Variants in EXOC3L4 observed in about 807,000 individuals in gnomAD.
EXOC3L4 encodes the protein exocyst complex component 3 like 4.
A neutral mutation model predicts 69.7 loss-of-function variants in EXOC3L4; 62 were observed. The ratio of observed to expected loss-of-function variants is 0.89; its 90% CI spans 0.72 to 1.10. The LOEUF (loss-of-function observed/expected upper bound fraction) is 1.10. Among genes scored for constraint, EXOC3L4 ranks in the 50% least tolerant of loss-of-function variants. The probability of loss-of-function intolerance (pLI) is 0.00; values close to 1 mark genes in which losing one functional copy is unlikely to be tolerated. For missense variants in EXOC3L4, 1,087 were observed against 1,034.8 expected, an observed-to-expected ratio of 1.05 and a Z score of -0.69; for synonymous variants, 502 against 464.2, an observed-to-expected ratio of 1.08 and a Z score of -1.05.
Position 103,100,392 on chromosome 14 carries a change from C to T in EXOC3L4, c.173C>T (p.Ser58Phe), listed in dbSNP as rs1230743041. The T allele has an allele frequency of 1.2e-6, 2 of 1,609,956 alleles. No homozygotes were observed. The highest frequency in any genetic ancestry group is 1.7e-4 in the Middle Eastern group (1 of 6,056). The change falls in exon 2 of 12, where the codon TCC becomes TTC. Residue 58 changes from serine to phenylalanine, a missense_variant. Coordinates refer to ENST00000688303, the MANE Select transcript of EXOC3L4 (RefSeq NM_001077594.2). The stretch of plus-strand genomic sequence containing the variant: ...CTGGGCTCCCTGAGGCAGGCCTTCT[C>T]CCGGGCCAGCCAGCGGGCTTTGACC... ...LGLGSLRQAF[S>F]RASQRALTQV...
At chr14:103,096,048 A>G (rs1374009770) in intron 1 of EXOC3L4, among the ~76,000 whole-genome samples, 3 of 152,178 alleles carry the variant, frequency 2.0e-5, no homozygotes, top group African/African-American at 7.2e-5. Flanking sequence ...TTGCAAGGAA[A>G]GCTTTCAAAG....
Position 103,103,975 on chromosome 14 carries a change from C to T in EXOC3L4, c.1084C>T (p.Pro362Ser), listed in dbSNP as rs375129091. 7.5e-5 allele frequency: 117 copies of T among 1,556,362 alleles called. No homozygotes were observed. In the African/African-American group the frequency reaches 1.4e-3, roughly 19 times the overall value. ...CCTGGGCGCCCCGGGGCTGGCGCTG[C>T]CCGCCGAGCCGCTGCCTCCGCTCCT... The part of the protein sequence containing the change: ...DFLGAPGLAL[P>S]AEPLPPLLAP... Residue 362 changes from proline (P) to serine (S), a missense_variant, in exon 4 of 12, where the codon CCC (proline) becomes TCC (serine). Pro to Ser is a moderately conservative substitution (Grantham distance 74, BLOSUM62 -1). Coordinates refer to ENST00000688303, the MANE Select transcript of EXOC3L4 (RefSeq NM_001077594.2).
Position 103,097,389 on chromosome 14 carries a change from G to A in EXOC3L4, c.-17+2549G>A, listed in dbSNP as rs190908494. Among the ~76,000 whole-genome samples, 86 of 152,248 alleles carry A rather than the reference G, an allele frequency of 5.6e-4. No individual in the cohort carries two copies. The highest frequency in any genetic ancestry group is 1.5e-3 in the South Asian group (7 of 4,824). On this transcript the variant is annotated intron_variant, in intron 1 of 11. Transcript: ENST00000688303. This position sits in a 1 kb window ranked among gnomAD's most constrained non-coding sequence, Gnocchi z 4.9. Reference sequence around the variant, plus strand: ...CTCCGGGCACTGGGGACAGAGAGACGCAGAGAGAAAAGAGAGCCAGAGAGA... The same window carrying A: ...CTCCGGGCACTGGGGACAGAGAGACACAGAGAGAAAAGAGAGCCAGAGAGA...
At chr14:103,104,947 C>T in intron 6 of EXOC3L4, 45 bp from the exon 7 acceptor site, 1 of 1,586,502 alleles carries the variant, frequency 6.3e-7, no homozygotes, top group Non-Finnish European at 8.6e-7. Flanking sequence ...AGGGTCATCG[C>T]GCAGCTAGGG....
rs758506010 is a variant in EXOC3L4 at position 103,100,607 on chromosome 14, G to T, written c.388G>T (p.Glu130Ter). ...GGCAGCGTCTGAGGAACTGAAACCC[G>T]AGGCAGGTAAGGGCCTCAGAAACAA... Reference protein sequence around the residue: ...TGAASEELKPEAEGKSVADLI... With the variant: ...TGAASEELKP Residue 130 changes from glutamate (E) to a stop codon, truncating the protein, a stop_gained, in exon 2 of 12, where the codon GAG (glutamate) becomes TAG (stop). Coordinates refer to ENST00000688303, the MANE Select transcript of EXOC3L4 (RefSeq NM_001077594.2). LOFTEE classifies it high-confidence loss of function. 1 of 1,601,924 alleles carries T rather than the reference G, an allele frequency of 6.2e-7. No individual in the cohort carries two copies. Among genetic ancestry groups the T allele is most frequent in the South Asian group, 1.1e-5 (1 of 90,376 alleles).
chr14:103,103,354 CAAA>C (rs3070496), intron 3 of EXOC3L4, among the ~76,000 whole-genome samples: 114 of 94,876 alleles, frequency 1.2e-3, no homozygotes, highest in African/African-American at 3.9e-3. Context: ...GACTCTGTCT[CAAA>C]AAAAAAAAAA....
At position 103,102,672 on chromosome 14, in the gene EXOC3L4, C is replaced by T; in HGVS notation, c.949C>T (p.His317Tyr). Residue 317 changes from histidine to tyrosine, a missense_variant, in exon 3 of 12, where the codon CAC (histidine) becomes TAC (tyrosine). By Grantham distance (83) the His-to-Tyr change is moderately conservative. Coordinates refer to ENST00000688303, the MANE Select transcript of EXOC3L4 (RefSeq NM_001077594.2). ...PAWEVYLRAF[H>Y]SAVAQRLQEL... ...GTGGGAGGTCTATCTGCGTGCCTTC[C>T]ACAGCGCCGTGGCCCAGCGCCTCCA... 5 of 1,494,008 alleles carry T rather than the reference C, an allele frequency of 3.3e-6. No homozygotes were observed. The highest frequency in any genetic ancestry group is 3.5e-6 in the Non-Finnish European group (4 of 1,127,168). The allele number at this position is 1,494,008 out of a possible 1,614,324, so 92.5% of individuals were successfully genotyped here. A position where few individuals can be genotyped will look rare whatever the true frequency, so the allele number is the denominator to read the frequency against.
At position 103,100,012 on chromosome 14, in the gene EXOC3L4, C is replaced by T. The variant is rs1053181900; in HGVS notation, c.-16-192C>T. 24 of 585,110 alleles carry T rather than the reference C, an allele frequency of 4.1e-5. 2 individuals are homozygous for T. The highest frequency in any genetic ancestry group is 2.8e-4 in the South Asian group (10 of 36,158). 36.2% of individuals were successfully genotyped at this position (585,110 alleles called of 1,614,324 possible). A position where few individuals can be genotyped will look rare whatever the true frequency, so the allele number is the denominator to read the frequency against. On this transcript the variant is annotated intron_variant, in intron 1 of 11. Transcript: ENST00000688303. ...TGATGGAAGCAGCTGTCTATATCTC[C>T]GTGCCCAGCTGCGGCCTGGCACACT...
chr14:103,108,274 A>G (rs926693102), intron 10 of EXOC3L4, 122 bp from the exon 11 acceptor site: 6 of 1,423,296 alleles, frequency 4.2e-6, no homozygotes, highest in African/African-American at 2.8e-5. Flanking sequence ...ACCGAGCCAG[A>G]GTGACTACAG....
In EXOC3L4 at chr14:103,102,353, G is replaced by T. The variant is rs1890240037; in HGVS notation, c.630G>T (p.Ala210=). 1 of 1,558,882 alleles carries T rather than the reference G, an allele frequency of 6.4e-7. No homozygotes were observed. The highest frequency in any genetic ancestry group is 8.6e-7 in the Non-Finnish European group (1 of 1,159,020). ...TLDSDGVDAA[A]LAELARVVSA... ...ACAGCGACGGTGTGGACGCGGCCGCGCTGGCCGAGCTGGCCCGCGTGGTGA... is the reference window on the plus strand; with the variant it reads ...ACAGCGACGGTGTGGACGCGGCCGCTCTGGCCGAGCTGGCCCGCGTGGTGA... The change falls in exon 3 of 12, where the codon GCG becomes GCT. Residue 210 remains alanine, a synonymous_variant. Coordinates refer to ENST00000688303, the MANE Select transcript of EXOC3L4 (RefSeq NM_001077594.2).
At chr14:103,096,906 A>G (rs1029482836) in intron 1 of EXOC3L4, among the ~76,000 whole-genome samples, 24 of 152,208 alleles carry the variant, frequency 1.6e-4, no homozygotes, top group Admixed American at 4.6e-4. Context: ...CAGGTGGGGA[A>G]GTGAGAGGGG....
At chr14:103,098,175 T>A (rs74083806) in intron 1 of EXOC3L4, among the ~76,000 whole-genome samples, 1 of 152,094 alleles carries the variant, frequency 6.6e-6, no homozygotes, top group African/African-American at 2.4e-5. Flanking sequence ...TCTGCCTATG[T>A]AACCTCCTAA....
intron 1 of EXOC3L4, among the ~76,000 whole-genome samples, chr14:103,096,110 G>C (rs956821276): frequency 1.2e-4 from 18 of 152,182 alleles, no homozygotes; most frequent in African/African-American, 4.3e-4. Context: ...CCAGCACTTT[G>C]GGAGGCTGAG....
chr14:103,102,951 C>T (rs9324057), intron 3 of EXOC3L4, among the ~76,000 whole-genome samples, 179 bp downstream of exon 3: 4,125 of 152,336 alleles, frequency 0.027, 191 homozygotes, highest in African/African-American at 0.095. Flanking sequence ...GCGCTCCCGC[C>T]CCAGGTTTTC....
At position 103,105,020 on chromosome 14, in the gene EXOC3L4, G is replaced by C. The variant is rs773363855; in HGVS notation, c.1414G>C (p.Ala472Pro). The change falls in exon 7 of 12, where the codon GCG becomes CCG. Residue 472 changes from alanine to proline, a missense_variant. Coordinates refer to ENST00000688303, the MANE Select transcript of EXOC3L4 (RefSeq NM_001077594.2). ...RFEKAFLASE[A>P]VSEPHLGAYI... ...TGAAAAGGCTTTTCTGGCGTCGGAG[G>C]CGGTGAGCGAGCCGCACCTGGGCGC... 23 of 1,612,384 alleles carry C rather than the reference G, an allele frequency of 1.4e-5. No homozygotes were observed. In the Admixed American group the frequency reaches 3.2e-4, roughly 22 times the overall value.
At position 103,100,288 on chromosome 14, in the gene EXOC3L4, G is replaced by C. The variant is rs1890097270; in HGVS notation, c.69G>C (p.Gln23His). The C allele has an allele frequency of 1.9e-6, 3 of 1,580,018 alleles. No homozygotes were observed. The highest frequency in any genetic ancestry group is 2.6e-6 in the Non-Finnish European group (3 of 1,162,074). Residue 23 changes from glutamine (Q) to histidine (H), a missense_variant, in exon 2 of 12, where the codon CAG becomes CAC. Physicochemically the swap from Gln to His is conservative, Grantham distance 24. Coordinates refer to ENST00000688303, the MANE Select transcript of EXOC3L4 (RefSeq NM_001077594.2). ...LQSPKEAEEP[Q>H]TPAQGSRRTS... ...GTCCCAAGGAGGCTGAGGAGCCACA[G>C]ACTCCAGCTCAGGGCTCCCGGCGAA... is the stretch of plus-strand genomic sequence containing the variant.
rs1025336454 is a variant in EXOC3L4 at position 103,103,071 on chromosome 14, A to G, written c.1049+299A>G. 1.7e-4 allele frequency among the ~76,000 whole-genome samples: 26 copies of G among 152,196 alleles called. 1 individual carries two copies. Among genetic ancestry groups the G allele is most frequent in the Admixed American group, 1.5e-3 (23 of 15,286 alleles). ...CAGGTGCCTTTGGGCGCATCAGAAA[A>G]GGGCACATCTTGGCCAGGCGCCATG... is the stretch of plus-strand genomic sequence containing the variant. On this transcript the variant is annotated intron_variant, in intron 3 of 11. Coordinates refer to ENST00000688303, the MANE Select transcript of EXOC3L4 (RefSeq NM_001077594.2).
chr14:103,102,561 G>C lies in EXOC3L4; in HGVS notation c.838G>C (p.Ala280Pro). Residue 280 changes from alanine (A) to proline (P), a missense_variant, in exon 3 of 12, where the codon GCC becomes CCC. Transcript: ENST00000688303. ...CGCGTCGGGTTTGGCCCAGCTTCTGGCCGAGCTGGGTGGCTTGGTTCGCCG... is the reference window on the plus strand; with the variant it reads ...CGCGTCGGGTTTGGCCCAGCTTCTGCCCGAGCTGGGTGGCTTGGTTCGCCG... ...EGASGLAQLL[A>P]ELGGLVRRDL... 1 of 1,441,630 alleles carries C rather than the reference G, an allele frequency of 6.9e-7. No homozygotes were observed. Among genetic ancestry groups the C allele is most frequent in the East Asian group, 3.0e-5 (1 of 33,690 alleles). The allele number at this position is 1,441,630 out of a possible 1,614,324, so 89.3% of individuals were successfully genotyped here.
In EXOC3L4 at chr14:103,110,466, C is replaced by A. The variant is rs1358870851; in HGVS notation, c.*243C>A. 1 of 572,236 alleles carries A rather than the reference C, an allele frequency of 1.7e-6. No individual in the cohort carries two copies. The allele number at this position is 572,236 out of a possible 1,614,324, so 35.4% of individuals were successfully genotyped here. ...AGAGCTCTCAATGCTGCCTATCGGG[C>A]GGGGGGGGGCCTCCCGCCCGACTGT... On this transcript the variant is annotated 3_prime_UTR_variant, in exon 12 of 12. Transcript: ENST00000688303.
Sources: allele counts gnomAD v4.1 joint callset (sites outside exome capture counted in the v4.1 genomes callset), GRCh38; gene constraint gnomAD v4.1.1; non-coding constraint Gnocchi (gnomAD v3.1); transcripts MANE v1.5; gene names NCBI Gene and HGNC (gene_info 2026-07-23, HGNC 2026-07-21).